The following DOCK10 variants were observed in gnomAD, a reference collection of about 807,000 sequenced individuals.
DOCK10 encodes the protein dedicator of cytokinesis protein 10.
In DOCK10, 145 loss-of-function variants were observed where a neutral mutation model predicts 280.1. That is an observed-to-expected ratio of 0.52 (90% CI 0.45 to 0.59). The LOEUF is 0.59. Among genes scored for constraint, DOCK10 ranks in the 20% least tolerant of loss-of-function variants. The probability of loss-of-function intolerance (pLI) is 0.00; values close to 1 mark genes in which losing one functional copy is unlikely to be tolerated. For synonymous variants in DOCK10, 915 were observed against 942.2 expected (o/e 0.97, Z 0.53); for missense variants, 2,368 against 2,651.7 (o/e 0.89, Z 2.35).
chr2:224,885,086 G>A (rs927281448), intron 7 of DOCK10, among the ~76,000 whole-genome samples: 41 of 152,094 alleles, frequency 2.7e-4, no homozygotes, highest in African/African-American at 8.7e-4. Flanking sequence ...TGCAACCTCC[G>A]CCTCCTGGGT....
chr2:224,946,771 C>T, intron 1 of DOCK10: 1 of 1,185,616 alleles, frequency 8.4e-7, no homozygotes, highest in Non-Finnish European at 1.2e-6. Flanking sequence ...TAGAATACCA[C>T]TGTAGAGCTA....
intron 1 of DOCK10, among the ~76,000 whole-genome samples, chr2:224,949,710 CTG>C (rs1703622238): frequency 6.6e-6 from 1 of 152,226 alleles, no homozygotes. Context: ...CACTTCTTAA[CTG>C]TGTGTCCTTT....
intron 1 of DOCK10, among the ~76,000 whole-genome samples, chr2:224,980,817 T>A (rs932116610): frequency 6.6e-6 from 1 of 152,198 alleles, no homozygotes; most frequent in Non-Finnish European, 1.5e-5. Flanking sequence ...GCCTTTATTT[T>A]CCTCATTAGT....
chr2:224,833,071 C>T (rs1695338932), intron 26 of DOCK10, among the ~76,000 whole-genome samples: 1 of 152,156 alleles, frequency 6.6e-6, no homozygotes, highest in Admixed American at 6.5e-5. Context: ...AGTGACTCTC[C>T]CCAGAGGATC....
rs555186494 is a variant in DOCK10 at position 224,878,861 on chromosome 2, G to A, written c.748-2640C>T. On this transcript the variant is annotated intron_variant, in intron 7 of 55. Transcript: ENST00000258390. ...TCTTAGAAGGGCAGAACCTAAATTT[G>A]TATCCTCAGTGCTAAGTGCAGCGAT... 2.0e-5 allele frequency among the ~76,000 whole-genome samples: 3 copies of A among 152,286 alleles called. No individual in the cohort carries two copies. The South Asian group carries it at 6.2e-4, about 32-fold the overall frequency.
chr2:224,869,452 A>T (rs1420670309), intron 11 of DOCK10, among the ~76,000 whole-genome samples: 6 of 152,242 alleles, frequency 3.9e-5, no homozygotes, highest in African/African-American at 1.4e-4. Flanking sequence ...CAATGAGTTT[A>T]AAAATAGATT....
chr2:225,020,165 T>A (rs763530793), intron 1 of DOCK10, among the ~76,000 whole-genome samples: 3 of 151,996 alleles, frequency 2.0e-5, no homozygotes, highest in Non-Finnish European at 4.4e-5. Context: ...GGTTCATAAG[T>A]GAATAGTCTT....
At chr2:224,807,602 A>T in intron 33 of DOCK10, 66 bp downstream of exon 33, 1 of 1,157,180 alleles carries the variant, frequency 8.6e-7, no homozygotes, top group Non-Finnish European at 1.2e-6. Flanking sequence ...TATCCAGGGC[A>T]AAAAATAATT....
At chr2:224,933,790 G>T (rs1270338554) in intron 1 of DOCK10, among the ~76,000 whole-genome samples, 2 of 152,122 alleles carry the variant, frequency 1.3e-5, no homozygotes, top group African/African-American at 4.8e-5. Context: ...TGGTTTTAGT[G>T]TATATTGTAA....
At chr2:224,824,004 C>A (rs1694681316) in intron 27 of DOCK10, among the ~76,000 whole-genome samples, 1 of 128,802 alleles carries the variant, frequency 7.8e-6, no homozygotes, top group Admixed American at 7.0e-5. Context: ...CAGGGAATAG[C>A]TACTATTAAT....
intron 30 of DOCK10, 128 bp downstream of exon 30, chr2:224,816,489 C>T: frequency 1.5e-6 from 1 of 660,924 alleles, no homozygotes; most frequent in African/African-American, 1.8e-5. Flanking sequence ...GGGTCTGATA[C>T]CCATGTGACA....
intron 1 of DOCK10, among the ~76,000 whole-genome samples, chr2:224,953,926 G>GAA (rs1559855084): frequency 1.5e-5 from 2 of 137,094 alleles, no homozygotes; most frequent in Non-Finnish European, 3.2e-5. Context: ...GTCTGTGTGT[G>GAA]CAGAGTGTGT....
intron 25 of DOCK10, among the ~76,000 whole-genome samples, chr2:224,834,995 T>C (rs1695501756): frequency 6.6e-6 from 1 of 152,212 alleles, no homozygotes; most frequent in African/African-American, 2.4e-5. Context: ...TTCATAATTT[T>C]CACAATTCGG....
At chr2:224,844,048 T>C (rs1217628936) in intron 22 of DOCK10, among the ~76,000 whole-genome samples, 1 of 152,208 alleles carries the variant, frequency 6.6e-6, no homozygotes, top group Non-Finnish European at 1.5e-5. Flanking sequence ...GCCAACCTCA[T>C]GGCCTTCCAA....
chr2:224,999,398 T>C (rs745330658), intron 1 of DOCK10, among the ~76,000 whole-genome samples: 2 of 152,138 alleles, frequency 1.3e-5, no homozygotes, highest in East Asian at 3.9e-4. Flanking sequence ...AGCACTGTTA[T>C]TCCAGCGAGT....
chr2:224,856,024 A>G (rs191365410), intron 15 of DOCK10, among the ~76,000 whole-genome samples: 395 of 152,290 alleles, frequency 2.6e-3, no homozygotes, highest in African/African-American at 9.2e-3. Context: ...TCCTAACCCT[A>G]TGTTCAGTGA....
At chr2:224,826,171 C>T (rs1694837461) in intron 27 of DOCK10, among the ~76,000 whole-genome samples, 1 of 152,214 alleles carries the variant, frequency 6.6e-6, no homozygotes, top group African/African-American at 2.4e-5. Flanking sequence ...TTAAGCAATT[C>T]TCGTGCCTCA....
At chr2:224,951,798 A>G (rs2126124361) in intron 1 of DOCK10, among the ~76,000 whole-genome samples, 1 of 152,302 alleles carries the variant, frequency 6.6e-6, no homozygotes, top group African/African-American at 2.4e-5. Flanking sequence ...AGCTGTCTTC[A>G]GGCACATGCA....
chr2:224,898,715 T>C (rs1700128920), intron 3 of DOCK10, among the ~76,000 whole-genome samples: 1 of 152,172 alleles, frequency 6.6e-6, no homozygotes, highest in Non-Finnish European at 1.5e-5. Flanking sequence ...TAGCCAGGAC[T>C]ACAGGTGCCC....
Sources: allele counts gnomAD v4.1 joint callset (sites outside exome capture counted in the v4.1 genomes callset), GRCh38; gene constraint gnomAD v4.1.1; transcripts MANE v1.5; gene names NCBI Gene and HGNC (gene_info 2026-07-23, HGNC 2026-07-21).